Variants in CYP7B1 observed in about 807,000 individuals in gnomAD.
CYP7B1 encodes cytochrome P450 7B1.
A neutral mutation model predicts 42.7 loss-of-function variants in CYP7B1; 29 were observed. The observed-to-expected ratio is 0.68, with a 90% CI of 0.51 to 0.93. The LOEUF is 0.93. Ranked by LOEUF, CYP7B1 falls within the 40% of genes least tolerant of loss-of-function variation. The pLI is 0.00. For missense variants in CYP7B1, 655 were observed against 600.5 expected (o/e 1.09, Z -0.95); for synonymous variants, 235 against 218.2 (o/e 1.08, Z -0.68).
Position 64,615,196 on chromosome 8 carries a change from T to C in CYP7B1, c.887A>G (p.Asn296Ser). The change falls in exon 4 of 6, where the codon AAC becomes AGC. Residue 296 changes from asparagine to serine, a missense_variant. Coordinates refer to ENST00000310193, the MANE Select transcript of CYP7B1 (RefSeq NM_004820.5). ...HLGFLWASVA[N>S]TIPTMFWAMY... Reference sequence around the variant, plus strand: ...TGCCCAGAACATAGTTGGAATAGTGTTTGCCACAGAGGCCCAGAGAAAGCC... The same window carrying C: ...TGCCCAGAACATAGTTGGAATAGTGCTTGCCACAGAGGCCCAGAGAAAGCC... 1 of 1,613,348 alleles carries C rather than the reference T, an allele frequency of 6.2e-7. No homozygotes were observed. Among genetic ancestry groups the C allele is most frequent in the Non-Finnish European group, 8.5e-7 (1 of 1,179,612 alleles).
intron 1 of CYP7B1, among the ~76,000 whole-genome samples, chr8:64,641,237 C>T (rs1805851260): frequency 6.6e-6 from 1 of 152,306 alleles, no homozygotes; most frequent in Admixed American, 6.5e-5. Context: ...AATCTTACAT[C>T]CTATTCATAC....
intron 1 of CYP7B1, among the ~76,000 whole-genome samples, chr8:64,683,494 G>C (rs1806571229): frequency 6.6e-6 from 1 of 152,130 alleles, no homozygotes; most frequent in African/African-American, 2.4e-5. Context: ...CAAAAAAATA[G>C]AAAGAATGAA....
chr8:64,769,168 C>T (rs1804165906), intron 1 of CYP7B1, among the ~76,000 whole-genome samples: 1 of 152,138 alleles, frequency 6.6e-6, no homozygotes, highest in African/African-American at 2.4e-5. Flanking sequence ...ATATATTACT[C>T]TTAAACCTAA....
chr8:64,675,066 T>A (rs914114981), intron 1 of CYP7B1, among the ~76,000 whole-genome samples: 5 of 152,148 alleles, frequency 3.3e-5, no homozygotes, highest in Admixed American at 2.0e-4. Context: ...TTTCTTTACA[T>A]GAACATGGTG....
Position 64,765,234 on chromosome 8 carries a change from T to C in CYP7B1, c.122+33232A>G, listed in dbSNP as rs539084900. 1.2e-4 allele frequency among the ~76,000 whole-genome samples: 18 copies of C among 152,306 alleles called. No individual in the cohort carries two copies. In the South Asian group the frequency reaches 3.7e-3, roughly 32 times the overall value. ...ACAAGGTTTTCAACAAAAGTAAAGT[T>C]TGCTAAAAGTTAACAGTGTAACCTG... On this transcript the variant is annotated intron_variant, in intron 1 of 5. Coordinates refer to ENST00000310193, the MANE Select transcript of CYP7B1 (RefSeq NM_004820.5).
At chr8:64,651,249 C>T (rs944723271) in intron 1 of CYP7B1, among the ~76,000 whole-genome samples, 87 of 152,142 alleles carry the variant, frequency 5.7e-4, no homozygotes, top group African/African-American at 2.0e-3. Context: ...ATTAAGAGAC[C>T]CACTCCCAAG....
chr8:64,671,994 G>T (rs1806373856), intron 1 of CYP7B1, among the ~76,000 whole-genome samples: 1 of 152,116 alleles, frequency 6.6e-6, no homozygotes, highest in African/African-American at 2.4e-5. Flanking sequence ...GGGTGGTCAG[G>T]GAAGGTGTCT....
intron 1 of CYP7B1, among the ~76,000 whole-genome samples, chr8:64,704,420 G>T (rs1806962288): frequency 6.6e-6 from 1 of 151,924 alleles, no homozygotes; most frequent in Non-Finnish European, 1.5e-5. Context: ...CATATAATAT[G>T]ACTTTCCTAA....
intron 1 of CYP7B1, among the ~76,000 whole-genome samples, chr8:64,630,746 T>C (rs1805683648): frequency 6.6e-6 from 1 of 152,242 alleles, no homozygotes; most frequent in Non-Finnish European, 1.5e-5. Context: ...GAAAATGAAC[T>C]ATCTTTGTTT....
chr8:64,698,880 T>A (rs1806871871), intron 1 of CYP7B1, among the ~76,000 whole-genome samples: 1 of 152,206 alleles, frequency 6.6e-6, no homozygotes, highest in Non-Finnish European at 1.5e-5. Flanking sequence ...ATCCTGATCA[T>A]TCACTCATTA....
intron 1 of CYP7B1, among the ~76,000 whole-genome samples, chr8:64,764,942 C>A (rs1807948377): frequency 6.7e-6 from 1 of 148,834 alleles, no homozygotes; most frequent in South Asian, 2.1e-4. Flanking sequence ...CAGACCTAGA[C>A]AGGACGATAG....
chr8:64,595,621 T>C lies in CYP7B1; in HGVS notation c.*1021A>G, dbSNP rs1008457711. The stretch of plus-strand genomic sequence containing the variant: ...GCAACACAGCCAGATACTCTCTCAA[T>C]TGAAAAAAAATCTTTGAATTATTGA... On this transcript the variant is annotated 3_prime_UTR_variant, in exon 6 of 6. Transcript: ENST00000310193. Among the ~76,000 whole-genome samples, 5 of 152,204 alleles carry C rather than the reference T, an allele frequency of 3.3e-5. No individual in the cohort carries two copies. Among genetic ancestry groups the C allele is most frequent in the African/African-American group, 4.8e-5 (2 of 41,518 alleles).
intron 2 of CYP7B1, among the ~76,000 whole-genome samples, chr8:64,618,899 T>G (rs143572398): frequency 6.6e-6 from 1 of 152,294 alleles, no homozygotes; most frequent in East Asian, 1.9e-4. Flanking sequence ...TTTCTCTTTC[T>G]CATTCTTATT....
intron 1 of CYP7B1, among the ~76,000 whole-genome samples, chr8:64,757,518 G>A (rs950206431): frequency 5.9e-5 from 9 of 152,156 alleles, no homozygotes; most frequent in African/African-American, 1.2e-4. Context: ...GCCTTTATAA[G>A]GTTCATGGAG....
intron 1 of CYP7B1, among the ~76,000 whole-genome samples, chr8:64,651,308 T>C (rs1364492882): frequency 6.6e-6 from 1 of 152,226 alleles, no homozygotes; most frequent in Non-Finnish European, 1.5e-5. Flanking sequence ...AGTCTGCAGC[T>C]CTTTCAATAA....
rs187819779 is a variant in CYP7B1, at chr8:64,732,650, G to A, written c.122+65816C>T. 5.9e-4 allele frequency among the ~76,000 whole-genome samples: 90 copies of A among 152,208 alleles called. No homozygotes were observed. In the East Asian group the frequency reaches 7.3e-3, roughly 12 times the overall value. On this transcript the variant is annotated intron_variant, in intron 1 of 5. Transcript: ENST00000310193. ...AGAAAGATGAGATTTGTGAGGGGCC[G>A]GGGACAGAATGATATGGTCTGGCTC...
At chr8:64,605,796 T>C (rs968589422) in intron 4 of CYP7B1, among the ~76,000 whole-genome samples, 14 of 152,002 alleles carry the variant, frequency 9.2e-5, no homozygotes, top group Non-Finnish European at 2.9e-5. Context: ...TGGAGTTTTC[T>C]CCCCCTTCAC....
intron 4 of CYP7B1, among the ~76,000 whole-genome samples, chr8:64,614,677 T>A (rs1805407543): frequency 6.6e-6 from 1 of 152,184 alleles, no homozygotes; most frequent in Non-Finnish European, 1.5e-5. Flanking sequence ...TCCTTTTCAA[T>A]CCCTAAATAC....
At chr8:64,724,804 T>C (rs1447890740) in intron 1 of CYP7B1, among the ~76,000 whole-genome samples, 2 of 152,210 alleles carry the variant, frequency 1.3e-5, no homozygotes, top group African/African-American at 4.8e-5. Context: ...TTCTCTTCCC[T>C]GGCTCTCTCT....
Sources: gnomAD v4.1 joint callset for allele counts (sites outside exome capture counted in the v4.1 genomes callset) on GRCh38, gnomAD v4.1.1 for gene constraint, MANE v1.5 for transcripts, NCBI Gene and HGNC (gene_info 2026-07-23, HGNC 2026-07-21) for gene names.